Variants in ALKBH5 observed in about 807,000 individuals in gnomAD.
ALKBH5 encodes the protein RNA demethylase ALKBH5.
Under a neutral mutation model 32.1 loss-of-function variants are expected in ALKBH5, and 2 were observed. That is an observed-to-expected ratio of 0.06 (90% confidence interval 0.03 to 0.20). The LOEUF (loss-of-function observed/expected upper bound fraction) is 0.20. Ranked by LOEUF, ALKBH5 falls within the 10% of genes least tolerant of loss-of-function variation. The pLI is 1.00. For missense variants in ALKBH5, 352 were observed against 559.5 expected (o/e 0.63, Z 3.74); for synonymous variants, 300 against 231.7 (o/e 1.29, Z -2.68).
Position 18,184,336 on chromosome 17 carries a change from CGCCGCT to C in ALKBH5, c.99_104del (p.Ala36_Ala37del). The C allele has an allele frequency of 6.6e-7, 1 of 1,510,004 alleles. No homozygotes were observed. The highest frequency in any genetic ancestry group is 8.8e-7 in the Non-Finnish European group (1 of 1,133,168). The allele number at this position is 1,510,004 out of a possible 1,614,324, so 93.5% of individuals were successfully genotyped here. A position where few individuals can be genotyped will look rare whatever the true frequency, so the allele number is the denominator to read the frequency against. The stretch of plus-strand genomic sequence containing the variant: ...ATAAGGCGGGCAGCCGGGAGGCCGC[CGCCGCT>C]GCCGCAGCCGCCGTAGCCGCCGCAG... On this transcript the variant is annotated inframe_deletion, in exon 1 of 4. Transcript: ENST00000399138.
At chr17:18,199,948 T>C (rs2047226480) in intron 2 of ALKBH5, among the ~76,000 whole-genome samples, 1 of 151,810 alleles carries the variant, frequency 6.6e-6, no homozygotes, top group Non-Finnish European at 1.5e-5. Flanking sequence ...AATACAAGAA[T>C]TAGCTGGGCA....
chr17:18,195,583 C>G (rs1235450051), intron 2 of ALKBH5, among the ~76,000 whole-genome samples: 1 of 152,164 alleles, frequency 6.6e-6, no homozygotes, highest in Non-Finnish European at 1.5e-5. Context: ...CCTGGCTTCA[C>G]CAGCATTTAT....
At chr17:18,202,677 C>T (rs895484094) in intron 2 of ALKBH5, among the ~76,000 whole-genome samples, 11 of 152,034 alleles carry the variant, frequency 7.2e-5, no homozygotes, top group African/African-American at 2.4e-4. Context: ...GGCCTGAGTG[C>T]GGTCTGGTTT....
At chr17:18,206,598 TC>T (rs2047270151) in intron 2 of ALKBH5, 1 of 551,260 alleles carries the variant, frequency 1.8e-6, no homozygotes, top group Non-Finnish European at 3.2e-6. Context: ...ACAGAAGTGT[TC>T]CCATTCCTTA....
At chr17:18,202,726 C>G (rs539988600) in intron 2 of ALKBH5, among the ~76,000 whole-genome samples, 1 of 152,042 alleles carries the variant, frequency 6.6e-6, no homozygotes, top group East Asian at 1.9e-4. Flanking sequence ...CACCTGCATG[C>G]ACAGTGTTCT....
intron 2 of ALKBH5, among the ~76,000 whole-genome samples, chr17:18,197,094 A>G (rs1421707971): frequency 6.6e-6 from 1 of 152,190 alleles, no homozygotes; most frequent in Non-Finnish European, 1.5e-5. Context: ...CCACTTTGCC[A>G]AGTCAAAACT....
At position 18,184,924 on chromosome 17, in the gene ALKBH5, C is replaced by T. The variant is rs746323425; in HGVS notation, c.681C>T (p.Cys227=). ...CCTTCTTTAGCGACTCTGCGCTGTG[C>T]TTCGGCTGCAAGTTCCAGTTCAAGC... ...SVSFFSDSAL[C]FGCKFQFKPI... The change falls in exon 1 of 4, where the codon TGC becomes TGT. Residue 227 remains cysteine (C), a synonymous_variant. Coordinates refer to ENST00000399138, the MANE Select transcript of ALKBH5 (RefSeq NM_017758.4). 6.8e-6 allele frequency: 11 copies of T among 1,614,078 alleles called. No individual in the cohort carries two copies. The African/African-American group carries it at 8.0e-5, about 12-fold the overall frequency.
chr17:18,207,008 G>A, intron 3 of ALKBH5, 38 bp downstream of exon 3: 7 of 1,605,124 alleles, frequency 4.4e-6, no homozygotes, highest in Non-Finnish European at 6.0e-6. Context: ...GCTGGCAAAG[G>A]CCTGGCTGCA....
chr17:18,189,588 TC>T (rs1168190991), intron 1 of ALKBH5, among the ~76,000 whole-genome samples: 1 of 152,176 alleles, frequency 6.6e-6, no homozygotes, highest in Non-Finnish European at 1.5e-5. Context: ...GATGGGCTTT[TC>T]TTCCTACCGC....
chr17:18,208,906 C>T lies in ALKBH5; in HGVS notation c.*510C>T, dbSNP rs1044091206. ...TTCTCCACTTCTCACCTGCCATCCA[C>T]GCCCTGCAAGCTCATGCAAACACCC... On this transcript the variant is annotated 3_prime_UTR_variant, in exon 4 of 4. Transcript: ENST00000399138. 7 of 231,056 alleles carry T rather than the reference C, an allele frequency of 3.0e-5. No homozygotes were observed. The highest frequency in any genetic ancestry group is 3.7e-3 in the Middle Eastern group (2 of 534). 14.3% of individuals were successfully genotyped at this position (231,056 alleles called of 1,614,324 possible). A position where few individuals can be genotyped will look rare whatever the true frequency, so the allele number is the denominator to read the frequency against.
chr17:18,193,010 CAT>C (rs2047186271), intron 1 of ALKBH5, among the ~76,000 whole-genome samples: 1 of 152,008 alleles, frequency 6.6e-6, no homozygotes, highest in Admixed American at 6.5e-5. Flanking sequence ...AGGCACCTGC[CAT>C]CATGCCTGGC....
chr17:18,208,697 T>C lies in ALKBH5; in HGVS notation c.*301T>C. On this transcript the variant is annotated 3_prime_UTR_variant, in exon 4 of 4. Coordinates refer to ENST00000399138, the MANE Select transcript of ALKBH5 (RefSeq NM_017758.4). ...GTGGTGGAGCAGAGCAGCCATCTTT[T>C]AAGTGGGGCTGTATCAGGCTGGGTT... 2.0e-6 allele frequency: 1 copy of C among 507,424 alleles called. No individual in the cohort carries two copies. The highest frequency in any genetic ancestry group is 3.6e-6 in the Non-Finnish European group (1 of 278,508). 31.4% of individuals were successfully genotyped at this position (507,424 alleles called of 1,614,324 possible).
chr17:18,201,377 G>C (rs2047235449), intron 2 of ALKBH5, among the ~76,000 whole-genome samples: 1 of 152,190 alleles, frequency 6.6e-6, no homozygotes, highest in African/African-American at 2.4e-5. Context: ...TTCTGCCCTG[G>C]CTCTGCCACT....
intron 1 of ALKBH5, among the ~76,000 whole-genome samples, chr17:18,193,124 C>T (rs2047186935): frequency 6.6e-6 from 1 of 151,816 alleles, no homozygotes; most frequent in Non-Finnish European, 1.5e-5. Context: ...TCCCAAAGTG[C>T]TGGGTGGGAT....
At position 18,208,605 on chromosome 17, in the gene ALKBH5, C is replaced by T. The variant is rs113968887; in HGVS notation, c.*209C>T. On this transcript the variant is annotated 3_prime_UTR_variant, in exon 4 of 4. Coordinates refer to ENST00000399138, the MANE Select transcript of ALKBH5 (RefSeq NM_017758.4). ...CCTAGGTTCTCATATTCTTGGTATT[C>T]CTCCTGGATGGAAAGGCTGTTGGCA... 15 of 680,762 alleles carry T rather than the reference C, an allele frequency of 2.2e-5. No individual in the cohort carries two copies. Among genetic ancestry groups the T allele is most frequent in the South Asian group, 3.2e-5 (2 of 63,326 alleles). The allele number at this position is 680,762 out of a possible 1,614,324, so 42.2% of individuals were successfully genotyped here.
At position 18,184,363 on chromosome 17, in the gene ALKBH5, CGCAGCCGCA is replaced by C. The variant is rs1567672851; in HGVS notation, c.123_131del (p.Ala46_Ala48del). ...CCGCTGCCGCAGCCGCCGTAGCCGC[CGCAGCCGCA>C]GCCGCCGCTGCCGCCGAACCTTACC... is the stretch of plus-strand genomic sequence containing the variant. On this transcript the variant is annotated inframe_deletion, in exon 1 of 4. Coordinates refer to ENST00000399138, the MANE Select transcript of ALKBH5 (RefSeq NM_017758.4). 2.0e-6 allele frequency: 3 copies of C among 1,516,100 alleles called. No homozygotes were observed. Among genetic ancestry groups the C allele is most frequent in the Admixed American group, 2.3e-5 (1 of 43,526 alleles). The allele number at this position is 1,516,100 out of a possible 1,614,324, so 93.9% of individuals were successfully genotyped here.
intron 3 of ALKBH5, among the ~76,000 whole-genome samples, chr17:18,207,208 C>T (rs948828199): frequency 6.6e-6 from 1 of 152,198 alleles, no homozygotes; most frequent in Non-Finnish European, 1.5e-5. Context: ...AATATCATGG[C>T]TTTCCCATGA....
At chr17:18,200,250 G>A (rs954148161) in intron 2 of ALKBH5, among the ~76,000 whole-genome samples, 1 of 152,000 alleles carries the variant, frequency 6.6e-6, no homozygotes, top group African/African-American at 2.4e-5. Flanking sequence ...GGAAATATAG[G>A]GGACTTCTGT....
intron 2 of ALKBH5, among the ~76,000 whole-genome samples, chr17:18,195,776 T>C (rs933463145): frequency 6.6e-6 from 1 of 152,136 alleles, no homozygotes; most frequent in African/African-American, 2.4e-5. Flanking sequence ...TAGCTGGGAA[T>C]AGAGGCAAGT....
Sources: gnomAD v4.1 joint callset for allele counts (sites outside exome capture counted in the v4.1 genomes callset) on GRCh38, gnomAD v4.1.1 for gene constraint, MANE v1.5 for transcripts, NCBI Gene and HGNC (gene_info 2026-07-23, HGNC 2026-07-21) for gene names.